The following TUBA4B variants were observed in gnomAD, a reference collection of about 807,000 sequenced individuals.
The protein encoded by TUBA4B is tubulin alpha 4b, also known as tubulin-like protein alpha-4B.
A neutral mutation model predicts 18.4 loss-of-function variants in TUBA4B; 13 were observed. That is an observed-to-expected ratio of 0.71 (90% CI 0.46 to 1.12). The LOEUF is 1.12. TUBA4B is among the 50% of genes most tolerant of loss of function. The pLI is 0.00. For missense variants in TUBA4B, 244 were observed against 250.0 expected (o/e 0.98, Z 0.16); for synonymous variants, 101 against 99.1 (o/e 1.02, Z -0.11).
chr2:219,263,104 G>A (rs1951769486), intron 1 of TUBA4B, among the ~76,000 whole-genome samples: 2 of 152,146 alleles, frequency 1.3e-5, no homozygotes. Flanking sequence ...CTGAAATGGT[G>A]CTTGGCATAC....
At chr2:219,259,382 T>C (rs936874508) in intron 1 of TUBA4B, among the ~76,000 whole-genome samples, 20 of 150,632 alleles carry the variant, frequency 1.3e-4, no homozygotes, top group African/African-American at 4.4e-4. Context: ...ATTCTGCTTC[T>C]GATTGTGTGT....
At chr2:219,263,001 A>T (rs553515101) in intron 1 of TUBA4B, among the ~76,000 whole-genome samples, 2 of 152,112 alleles carry the variant, frequency 1.3e-5, no homozygotes, top group East Asian at 3.9e-4. Context: ...AGATAGCACC[A>T]CTGCACCCCA....
At chr2:219,253,805 A>G in intron 1 of TUBA4B, 1 of 1,536,992 alleles carries the variant, frequency 6.5e-7, no homozygotes, top group Non-Finnish European at 8.8e-7. Flanking sequence ...TGTCCCCCAA[A>G]GGAGAGGGGC....
Position 219,271,942 on chromosome 2 carries a change from C to T in TUBA4B, c.*243C>T. 1 of 1,499,950 alleles carries T rather than the reference C, an allele frequency of 6.7e-7. No individual in the cohort carries two copies. The highest frequency in any genetic ancestry group is 9.3e-7 in the Non-Finnish European group (1 of 1,076,408). 92.9% of individuals were successfully genotyped at this position (1,499,950 alleles called of 1,614,324 possible). A position where few individuals can be genotyped will look rare whatever the true frequency, so the allele number is the denominator to read the frequency against. Reference sequence around the variant, plus strand: ...ATGCTGAGCAACATGACAGCCATCACTATGGCCTGGGCCCGCCTGGACCAC... The same window carrying T: ...ATGCTGAGCAACATGACAGCCATCATTATGGCCTGGGCCCGCCTGGACCAC... On this transcript the variant is annotated 3_prime_UTR_variant, in exon 4 of 4. Transcript: ENST00000490341.
intron 3 of TUBA4B, among the ~76,000 whole-genome samples, chr2:219,270,597 C>A (rs573552694): frequency 1.1e-4 from 17 of 151,392 alleles, no homozygotes; most frequent in African/African-American, 4.2e-4. Context: ...GATGGGCTGC[C>A]TGGCCAAGCT....
intron 1 of TUBA4B, among the ~76,000 whole-genome samples, chr2:219,255,872 T>A (rs1366849732): frequency 6.6e-6 from 1 of 152,112 alleles, no homozygotes; most frequent in Non-Finnish European, 1.5e-5. Context: ...ATCAACAAAA[T>A]AGGCAAGGCA....
intron 2 of TUBA4B, among the ~76,000 whole-genome samples, chr2:219,269,154 G>T (rs554654295): frequency 6.6e-6 from 1 of 152,134 alleles, no homozygotes; most frequent in African/African-American, 2.4e-5. Context: ...TTGAGAAATA[G>T]AATCTGTCTC....
At position 219,253,307 on chromosome 2, in the gene TUBA4B, C is replaced by T. The variant is rs980650515; in HGVS notation, c.-101C>T. The T allele has an allele frequency of 6.6e-5, 101 of 1,521,656 alleles. No individual in the cohort carries two copies. Among genetic ancestry groups the T allele is most frequent in the Non-Finnish European group, 8.5e-5 (97 of 1,138,290 alleles). 94.3% of individuals were successfully genotyped at this position (1,521,656 alleles called of 1,614,324 possible). A position where few individuals can be genotyped will look rare whatever the true frequency, so the allele number is the denominator to read the frequency against. On this transcript the variant is annotated 5_prime_UTR_variant, in exon 1 of 4. Coordinates refer to ENST00000490341, the MANE Select transcript of TUBA4B (RefSeq NM_001355221.1). ...GGCCAGCTCGCTTCAGGAGGCCGAACCCCGTTCCCACCAACCCTCTCAGCT... is the reference window on the plus strand; with the variant it reads ...GGCCAGCTCGCTTCAGGAGGCCGAATCCCGTTCCCACCAACCCTCTCAGCT...
At chr2:219,257,487 A>G (rs1394682888) in intron 1 of TUBA4B, among the ~76,000 whole-genome samples, 2 of 151,006 alleles carry the variant, frequency 1.3e-5, no homozygotes, top group African/African-American at 4.9e-5. Flanking sequence ...CCAAAAATAC[A>G]AAAAATTAGC....
chr2:219,259,814 C>A (rs1211425148), intron 1 of TUBA4B, among the ~76,000 whole-genome samples: 1 of 152,288 alleles, frequency 6.6e-6, no homozygotes, highest in African/African-American at 2.4e-5. Context: ...TTTTTCCAGA[C>A]TAGAGCATCT....
chr2:219,271,285 CA>C lies in TUBA4B; in HGVS notation c.314del (p.Lys105SerfsTer24), dbSNP rs1201648124. On this transcript the variant is annotated frameshift_variant, in exon 4 of 4. Coordinates refer to ENST00000490341, the MANE Select transcript of TUBA4B (RefSeq NM_001355221.1). LOFTEE classifies it high-confidence loss of function. ...TTTCTGTTAACTATGGCAAGAAATC[CA>C]AGCTGGGATTCTCCATCTACCCAGC... Reference protein sequence around the residue: ...WLSVNYGKKSKLGFSIYPAPQ... With the variant: ...WLSVNYGKKSXLGFSIYPAPQ... 6.5e-7 allele frequency: 1 copy of C among 1,535,628 alleles called. No individual in the cohort carries two copies. The highest frequency in any genetic ancestry group is 9.0e-7 in the Non-Finnish European group (1 of 1,108,772).
At chr2:219,258,768 T>C (rs1355897387) in intron 1 of TUBA4B, among the ~76,000 whole-genome samples, 1 of 152,182 alleles carries the variant, frequency 6.6e-6, no homozygotes, top group Non-Finnish European at 1.5e-5. Flanking sequence ...ATGTGGAAGC[T>C]ACCATCTTAA....
chr2:219,256,088 CCT>C (rs1421577013), intron 1 of TUBA4B, among the ~76,000 whole-genome samples: 1 of 152,170 alleles, frequency 6.6e-6, no homozygotes, highest in Non-Finnish European at 1.5e-5. Context: ...CCTCCCTGAA[CCT>C]CTTTTTCCTT....
chr2:219,271,681 C>G lies in TUBA4B; in HGVS notation c.708C>G (p.Ser236Arg), dbSNP rs1169255033. ...AGAGATTACCAATGCCTGCTTTGAG[C>G]CTGCCAACCAGATGGTGAAGTGTGA... is the stretch of plus-strand genomic sequence containing the variant. ...WWQRLPMPAL[S>R]LPTRW Residue 236 changes from serine (S) to arginine (R), a missense_variant, in exon 4 of 4, where the codon AGC becomes AGG. By Grantham distance (110) the Ser-to-Arg change is moderately radical (BLOSUM62 -1). Transcript: ENST00000490341. The G allele has an allele frequency of 1.9e-6, 3 of 1,613,404 alleles. No homozygotes were observed. The South Asian group carries it at 3.3e-5, about 18-fold the overall frequency.
Position 219,271,574 on chromosome 2 carries a change from T to C in TUBA4B, c.601T>C (p.Tyr201His). Residue 201 changes from tyrosine (Y) to histidine (H), a missense_variant, in exon 4 of 4, where the codon TAC becomes CAC. By Grantham distance (83) the Tyr-to-His change is moderately conservative. Transcript: ENST00000490341. ...LTEFQTNLVS[Y>H]LTSTSPWPPM... Reference sequence around the variant, plus strand: ...AGAGTTCCAGACCAACCTGGTGTCCTACCTCACATCCACTTCCCCCTGGCC... The same window carrying C: ...AGAGTTCCAGACCAACCTGGTGTCCCACCTCACATCCACTTCCCCCTGGCC... The C allele has an allele frequency of 6.2e-7, 1 of 1,614,204 alleles. No homozygotes were observed. The highest frequency in any genetic ancestry group is 8.5e-7 in the Non-Finnish European group (1 of 1,180,036).
At chr2:219,262,047 C>T (rs2125075302) in intron 1 of TUBA4B, among the ~76,000 whole-genome samples, 1 of 152,354 alleles carries the variant, frequency 6.6e-6, no homozygotes, top group African/African-American at 2.4e-5. Context: ...TGTAGTGGCT[C>T]ACGCCTGTAA....
intron 2 of TUBA4B, among the ~76,000 whole-genome samples, chr2:219,267,581 G>GT (rs1329718937): frequency 0.089 from 12,662 of 142,390 alleles, 612 homozygotes; most frequent in South Asian, 0.19. Flanking sequence ...TCTTTTTTTT[G>GT]TTTTTTTTTT....
chr2:219,260,033 C>T (rs943356875), intron 1 of TUBA4B, among the ~76,000 whole-genome samples: 1 of 152,220 alleles, frequency 6.6e-6, no homozygotes, highest in African/African-American at 2.4e-5. Flanking sequence ...CCGCTCACAG[C>T]AGCATTTCTC....
intron 1 of TUBA4B, chr2:219,253,871 C>A: frequency 6.9e-7 from 1 of 1,454,584 alleles, no homozygotes; most frequent in Non-Finnish European, 9.1e-7. Flanking sequence ...TGAGTCCGGG[C>A]GGTGCGTCTC....
Sources: allele counts gnomAD v4.1 joint callset (sites outside exome capture counted in the v4.1 genomes callset), GRCh38; gene constraint gnomAD v4.1.1; transcripts MANE v1.5; gene names NCBI Gene and HGNC (gene_info 2026-07-23, HGNC 2026-07-21).